The following ADCY8 variants were observed in gnomAD, a reference collection of about 807,000 sequenced individuals.
ADCY8 encodes the protein adenylate cyclase type 8.
ADCY8 carries 51 observed loss-of-function variants against 119.7 expected under a neutral mutation model. The observed-to-expected ratio is 0.43, with a 90% CI of 0.34 to 0.54. The LOEUF is 0.54. ADCY8 is among the 20% of genes least tolerant of loss of function. The probability of loss-of-function intolerance (pLI) is 0.03; values close to 1 mark genes in which losing one functional copy is unlikely to be tolerated. For synonymous variants in ADCY8, 665 were observed against 651.0 expected (o/e 1.02, Z -0.33); for missense variants, 1,383 against 1,598.8 (o/e 0.87, Z 2.30).
chr8:130,980,490 GAA>G (rs1822207308), intron 2 of ADCY8, among the ~76,000 whole-genome samples: 1 of 152,036 alleles, frequency 6.6e-6, no homozygotes. Context: ...AGAAACGTTG[GAA>G]AAAAATGTGG....
At chr8:130,949,508 G>C (rs1821209979) in intron 3 of ADCY8, 1 of 152,080 alleles carries the variant, frequency 6.6e-6, no homozygotes, top group Admixed American at 6.5e-5. Context: ...TCGTGGTCAA[G>C]CCATTTTGCC....
rs60094966 is a variant in ADCY8, at chr8:130,901,118, A to T, written c.1911+2654T>A. 1.1e-3 allele frequency among the ~76,000 whole-genome samples: 161 copies of T among 152,256 alleles called. 2 individuals are homozygous for T. Among genetic ancestry groups the T allele is most frequent in the African/African-American group, 3.9e-3 (161 of 41,552 alleles). ...CTTTAATCAAGCCCTGTGATTTGCC[A>T]GGTATTGTTCTAATTGTGGGCTAAA... On this transcript the variant is annotated intron_variant, in intron 7 of 17. Coordinates refer to ENST00000286355, the MANE Select transcript of ADCY8 (RefSeq NM_001115.3).
At position 130,847,528 on chromosome 8, in the gene ADCY8, A is replaced by G; in HGVS notation, c.2413-15T>C. ...TCACACCACAGCTGCGGATTAAAAA[A>G]AAAAAAAAAAGAACAACAAAAACAA... On this transcript the variant is annotated splice_polypyrimidine_tract_variant and intron_variant, in intron 10 of 17. Transcript: ENST00000286355. 1 of 1,578,982 alleles carries G rather than the reference A, an allele frequency of 6.3e-7. No homozygotes were observed. Among genetic ancestry groups the G allele is most frequent in the Non-Finnish European group, 8.6e-7 (1 of 1,164,132 alleles).
chr8:130,807,662 G>T (rs1816009373), intron 14 of ADCY8, among the ~76,000 whole-genome samples: 1 of 152,270 alleles, frequency 6.6e-6, no homozygotes, highest in South Asian at 2.1e-4. Context: ...CTCCAGACCT[G>T]GGAGGAAAGA....
intron 12 of ADCY8, 38 bp downstream of exon 12, chr8:130,836,239 G>A (rs770516894): frequency 2.6e-5 from 40 of 1,567,202 alleles, no homozygotes; most frequent in African/African-American, 4.1e-5. Flanking sequence ...CCCACAGGAA[G>A]TTGAGCACAC....
At chr8:130,823,731 C>A (rs1013019458) in intron 12 of ADCY8, among the ~76,000 whole-genome samples, 4 of 151,886 alleles carry the variant, frequency 2.6e-5, no homozygotes, top group Non-Finnish European at 4.4e-5. Context: ...AATAAAGATG[C>A]ACATATAAAA....
intron 6 of ADCY8, among the ~76,000 whole-genome samples, chr8:130,905,381 A>G (rs1554614830): frequency 6.6e-6 from 1 of 152,110 alleles, no homozygotes; most frequent in Non-Finnish European, 1.5e-5. Context: ...CTATTCAAGT[A>G]ATTGGCAATT....
intron 1 of ADCY8, among the ~76,000 whole-genome samples, chr8:131,013,695 T>C (rs1823381661): frequency 6.6e-6 from 1 of 152,140 alleles, no homozygotes; most frequent in South Asian, 2.1e-4. Context: ...ACTATGGCAA[T>C]TTTTATTGGG....
At chr8:131,001,900 A>G (rs1185534648) in intron 1 of ADCY8, among the ~76,000 whole-genome samples, 1 of 152,184 alleles carries the variant, frequency 6.6e-6, no homozygotes, top group African/African-American at 2.4e-5. Flanking sequence ...TGCAGGGAAA[A>G]GAGTAGAGGG....
intron 13 of ADCY8, among the ~76,000 whole-genome samples, chr8:130,816,915 A>G (rs1353272684): frequency 1.3e-5 from 2 of 152,190 alleles, no homozygotes; most frequent in African/African-American, 4.8e-5. Flanking sequence ...TACTTATTAA[A>G]CTAAATCTAT....
At chr8:130,798,975 G>A (rs1388304177) in intron 15 of ADCY8, among the ~76,000 whole-genome samples, 2 of 152,104 alleles carry the variant, frequency 1.3e-5, no homozygotes, top group Non-Finnish European at 2.9e-5. Context: ...AGGAAGACCT[G>A]TCATTTGCAA....
chr8:130,786,118 C>A (rs957519989), intron 15 of ADCY8, among the ~76,000 whole-genome samples: 1 of 152,182 alleles, frequency 6.6e-6, no homozygotes, highest in Non-Finnish European at 1.5e-5. Context: ...ATCTTCCTTC[C>A]CTGTTTTACC....
At chr8:130,957,365 A>G (rs1349917908) in intron 2 of ADCY8, among the ~76,000 whole-genome samples, 1 of 152,238 alleles carries the variant, frequency 6.6e-6, no homozygotes, top group African/African-American at 2.4e-5. Context: ...ATCTAAGGGA[A>G]GAAATTTTTA....
intron 14 of ADCY8, among the ~76,000 whole-genome samples, chr8:130,811,678 C>T (rs1816171249): frequency 6.6e-6 from 1 of 152,194 alleles, no homozygotes; most frequent in Admixed American, 6.5e-5. Flanking sequence ...CCAGTTCATC[C>T]ACAGGCATTT....
chr8:130,899,282 T>C (rs1819514910), intron 7 of ADCY8, among the ~76,000 whole-genome samples: 1 of 152,184 alleles, frequency 6.6e-6, no homozygotes. Context: ...ATGTTTTGAT[T>C]AATTGTCTGC....
At chr8:130,851,861 G>T (rs1817540270) in intron 9 of ADCY8, among the ~76,000 whole-genome samples, 1 of 152,198 alleles carries the variant, frequency 6.6e-6, no homozygotes, top group South Asian at 2.1e-4. Context: ...CACAATGCAT[G>T]TTTGGTACTT....
intron 5 of ADCY8, among the ~76,000 whole-genome samples, chr8:130,911,835 A>T (rs1819991253): frequency 6.6e-6 from 1 of 151,860 alleles, no homozygotes. Flanking sequence ...TTTTATTAAT[A>T]AAAATAGGGG....
intron 5 of ADCY8, among the ~76,000 whole-genome samples, chr8:130,926,821 G>C (rs1455794170): frequency 6.6e-6 from 1 of 151,996 alleles, no homozygotes; most frequent in African/African-American, 2.4e-5. Flanking sequence ...ATAGGAGTGA[G>C]ATCACGAGGT....
At chr8:131,016,095 A>T (rs1447046348) in intron 1 of ADCY8, among the ~76,000 whole-genome samples, 1 of 152,198 alleles carries the variant, frequency 6.6e-6, no homozygotes, top group African/African-American at 2.4e-5. Flanking sequence ...CTTTGCTAGC[A>T]GGAGCAAATA....
Sources: allele counts gnomAD v4.1 joint callset (sites outside exome capture counted in the v4.1 genomes callset), GRCh38; gene constraint gnomAD v4.1.1; transcripts MANE v1.5; gene names NCBI Gene and HGNC (gene_info 2026-07-23, HGNC 2026-07-21).